Variants in PRDM5 observed in about 807,000 individuals in gnomAD.
PRDM5 encodes the protein PR domain zinc finger protein 5.
PRDM5 carries 56 observed loss-of-function variants against 81.2 expected under a neutral mutation model. The observed-to-expected ratio is 0.69, with a 90% CI of 0.56 to 0.86. The LOEUF (loss-of-function observed/expected upper bound fraction) is 0.86. Among genes scored for constraint, PRDM5 ranks in the 40% least tolerant of loss-of-function variants. PRDM5 has a pLI of 0.00. For missense variants in PRDM5, 697 were observed against 770.1 expected (o/e 0.91, Z 1.12); for synonymous variants, 267 against 256.4 (o/e 1.04, Z -0.39).
At chr4:120,743,389 A>G (rs1413224077) in intron 14 of PRDM5, among the ~76,000 whole-genome samples, 13 of 151,278 alleles carry the variant, frequency 8.6e-5, no homozygotes, top group African/African-American at 2.9e-4. Flanking sequence ...CAAAATAACC[A>G]GCTAACATCA....
chr4:120,894,950 C>T (rs574638975), intron 2 of PRDM5, among the ~76,000 whole-genome samples: 42 of 152,326 alleles, frequency 2.8e-4, no homozygotes, highest in Non-Finnish European at 4.7e-4. Context: ...TCTTTCTCTC[C>T]TCTCCTTGTA....
intron 2 of PRDM5, among the ~76,000 whole-genome samples, chr4:120,867,366 T>G (rs572023966): frequency 6.6e-6 from 1 of 152,294 alleles, no homozygotes; most frequent in East Asian, 1.9e-4. Context: ...AAATAAAATT[T>G]TAAAAAACCA....
intron 2 of PRDM5, among the ~76,000 whole-genome samples, chr4:120,866,386 C>T (rs534123910): frequency 7.9e-5 from 12 of 152,348 alleles, no homozygotes; most frequent in Non-Finnish European, 1.3e-4. Flanking sequence ...ATGTGCTTTG[C>T]ATTTTATACT....
At chr4:120,795,537 T>C (rs777631114) in intron 10 of PRDM5, among the ~76,000 whole-genome samples, 2 of 151,716 alleles carry the variant, frequency 1.3e-5, no homozygotes, top group Non-Finnish European at 2.9e-5. Context: ...AAGTAACCTA[T>C]TGAACCCATA....
intron 10 of PRDM5, among the ~76,000 whole-genome samples, chr4:120,787,933 AT>A (rs1212276636): frequency 6.6e-6 from 1 of 152,202 alleles, no homozygotes; most frequent in African/African-American, 2.4e-5. Context: ...GGAATGAAAA[AT>A]TAAAAATAAA....
At chr4:120,867,798 G>A (rs762273821) in intron 2 of PRDM5, among the ~76,000 whole-genome samples, 1 of 152,166 alleles carries the variant, frequency 6.6e-6, no homozygotes, top group Non-Finnish European at 1.5e-5. Context: ...CACCTTCTTT[G>A]TCCAGAGATA....
At chr4:120,904,418 C>T (rs1053956442) in intron 2 of PRDM5, among the ~76,000 whole-genome samples, 1 of 151,918 alleles carries the variant, frequency 6.6e-6, no homozygotes, top group African/African-American at 2.4e-5. Context: ...GGAACAGAGA[C>T]TTTTCATCAA....
At chr4:120,729,046 T>G (rs1739867658) in intron 14 of PRDM5, among the ~76,000 whole-genome samples, 1 of 152,176 alleles carries the variant, frequency 6.6e-6, no homozygotes, top group South Asian at 2.1e-4. Context: ...CGGCTTTCCC[T>G]CTAATGAATT....
chr4:120,736,008 A>G (rs1388054839), intron 14 of PRDM5, among the ~76,000 whole-genome samples: 1 of 151,038 alleles, frequency 6.6e-6, no homozygotes, highest in Non-Finnish European at 1.5e-5. Context: ...CTCACTCCTC[A>G]CCCTCTGAGT....
At chr4:120,839,990 T>C (rs553801647) in intron 3 of PRDM5, among the ~76,000 whole-genome samples, 2 of 152,122 alleles carry the variant, frequency 1.3e-5, no homozygotes, top group Non-Finnish European at 2.9e-5. Flanking sequence ...TGCTCTGAGA[T>C]CAGAGTAGGC....
At chr4:120,771,783 T>C (rs1031833019) in intron 13 of PRDM5, among the ~76,000 whole-genome samples, 1 of 152,210 alleles carries the variant, frequency 6.6e-6, no homozygotes, top group African/African-American at 2.4e-5. Flanking sequence ...TATAGGAGGT[T>C]ATGTCATTCA....
chr4:120,728,924 A>G (rs1197849216), intron 14 of PRDM5, among the ~76,000 whole-genome samples: 1 of 152,250 alleles, frequency 6.6e-6, no homozygotes, highest in African/African-American at 2.4e-5. Context: ...AAGGAGAGAC[A>G]AAAACTGAAG....
At chr4:120,869,768 T>C (rs1018472487) in intron 2 of PRDM5, among the ~76,000 whole-genome samples, 1 of 152,106 alleles carries the variant, frequency 6.6e-6, no homozygotes, top group Non-Finnish European at 1.5e-5. Flanking sequence ...GTGTAGAAAT[T>C]GAACAAGGTG....
intron 13 of PRDM5, among the ~76,000 whole-genome samples, chr4:120,758,759 C>G (rs75220982): frequency 7.0e-6 from 1 of 143,788 alleles, no homozygotes; most frequent in Non-Finnish European, 1.5e-5. Flanking sequence ...TCATCCTACT[C>G]TTTTTTTTTT....
chr4:120,903,841 G>A (rs1439431418), intron 2 of PRDM5, among the ~76,000 whole-genome samples: 1 of 152,034 alleles, frequency 6.6e-6, no homozygotes, highest in Non-Finnish European at 1.5e-5. Flanking sequence ...CTTCTCCTTT[G>A]CCTTCCACCA....
chr4:120,780,024 A>G (rs1006996563), intron 12 of PRDM5, among the ~76,000 whole-genome samples: 1 of 152,216 alleles, frequency 6.6e-6, no homozygotes, highest in Admixed American at 6.5e-5. Flanking sequence ...AAAGAAAGTT[A>G]CTCAATTCAA....
At chr4:120,838,775 A>G (rs1167993808) in intron 3 of PRDM5, 2 of 160,538 alleles carry the variant, frequency 1.2e-5, no homozygotes, top group South Asian at 1.9e-4. Flanking sequence ...CCTTTGCCCA[A>G]ATTTTTGCTT....
intron 15 of PRDM5, among the ~76,000 whole-genome samples, chr4:120,705,077 A>G (rs1735917556): frequency 6.6e-6 from 1 of 152,184 alleles, no homozygotes; most frequent in Non-Finnish European, 1.5e-5. Flanking sequence ...ACTGAAACTA[A>G]AGTATAATTC....
intron 3 of PRDM5, among the ~76,000 whole-genome samples, chr4:120,837,062 A>G (rs1757445979): frequency 6.6e-6 from 1 of 152,136 alleles, no homozygotes; most frequent in Non-Finnish European, 1.5e-5. Flanking sequence ...CACCATCTCC[A>G]CCAATCTACC....
Sources: allele counts gnomAD v4.1 joint callset (sites outside exome capture counted in the v4.1 genomes callset), GRCh38; gene constraint gnomAD v4.1.1; transcripts MANE v1.5; gene names NCBI Gene and HGNC (gene_info 2026-07-23, HGNC 2026-07-21).